ZFAT: variants seen among roughly 807,000 people sequenced by gnomAD.
The protein encoded by ZFAT is zinc finger and AT-hook domain containing.
A neutral mutation model predicts 117.7 loss-of-function variants in ZFAT; 64 were observed. The ratio of observed to expected loss-of-function variants is 0.54; its 90% CI spans 0.44 to 0.67. The LOEUF is 0.67. ZFAT is among the 30% of genes least tolerant of loss of function. The pLI, the probability that ZFAT is intolerant of heterozygous loss-of-function variation, is 0.00. For synonymous variants in ZFAT, 679 were observed against 615.0 expected (o/e 1.10, Z -1.54); for missense variants, 1,433 against 1,584.5 (o/e 0.90, Z 1.62).
At chr8:134,822,848 T>A in the ZFAT span, among the ~76,000 whole-genome samples, 1 of 152,154 alleles carries the variant, frequency 6.6e-6, no homozygotes, top group Non-Finnish European at 1.5e-5. Context: ...AAAGTAAGAT[T>A]AAAAAGCGGC....
intron 3 of ZFAT, among the ~76,000 whole-genome samples, chr8:134,611,385 A>G (rs564838424): frequency 6.6e-6 from 1 of 152,252 alleles, no homozygotes; most frequent in Admixed American, 6.5e-5. Context: ...GGCAGAGCCT[A>G]AGTATAAACC....
chr8:134,804,997 G>T, the ZFAT span: 1 of 509,698 alleles, frequency 2.0e-6, no homozygotes. Flanking sequence ...AATGTTGCCA[G>T]TCATCATCTT....
chr8:134,765,724 C>G, the ZFAT span: 1 of 151,792 alleles, frequency 6.6e-6, no homozygotes, highest in Non-Finnish European at 1.5e-5. Flanking sequence ...AAAAAAAAGT[C>G]TATGGCTGCC....
At chr8:134,786,103 C>A in the ZFAT span, among the ~76,000 whole-genome samples, 1 of 152,290 alleles carries the variant, frequency 6.6e-6, no homozygotes, top group East Asian at 1.9e-4. Context: ...TTGCAGATTG[C>A]TCTTATATCC....
chr8:134,500,933 C>G (rs1020898561), intron 15 of ZFAT, among the ~76,000 whole-genome samples: 4 of 152,178 alleles, frequency 2.6e-5, no homozygotes, highest in African/African-American at 4.8e-5. Flanking sequence ...GAGTTTCATA[C>G]AATTAAAGTT....
the ZFAT span, among the ~76,000 whole-genome samples, chr8:134,734,764 G>T: frequency 6.6e-6 from 1 of 152,250 alleles, no homozygotes; most frequent in Admixed American, 6.5e-5. Context: ...GTGCTCGGGA[G>T]CAGGGAGTGC....
At chr8:134,712,788 G>T in intron 1 of ZFAT, 57 bp downstream of exon 1, 4 of 1,380,062 alleles carry the variant, frequency 2.9e-6, no homozygotes, top group Non-Finnish European at 3.9e-6. Flanking sequence ...GGCTTTCCGC[G>T]CGCCGCGCCG....
At chr8:134,646,226 A>G (rs1830884541) in intron 2 of ZFAT, among the ~76,000 whole-genome samples, 1 of 152,166 alleles carries the variant, frequency 6.6e-6, no homozygotes, top group African/African-American at 2.4e-5. Context: ...AAAGAATGGA[A>G]ATCATTCAAG....
the ZFAT span, among the ~76,000 whole-genome samples, chr8:134,803,489 G>A: frequency 6.6e-6 from 1 of 152,138 alleles, no homozygotes; most frequent in African/African-American, 2.4e-5. Flanking sequence ...AGGGATGCTT[G>A]ATGCATGCTA....
the ZFAT span, among the ~76,000 whole-genome samples, chr8:134,788,981 A>T: frequency 3.9e-5 from 6 of 152,248 alleles, no homozygotes; most frequent in Non-Finnish European, 7.4e-5. Flanking sequence ...TCTTGTAAGC[A>T]ACATGTAGTA....
rs10680896 is a variant in ZFAT at position 134,550,310 on chromosome 8, G to GAAA, written c.2976+15020_2976+15022dup. 1.5e-3 allele frequency among the ~76,000 whole-genome samples: 112 copies of GAAA among 72,374 alleles called. 2 individuals carry two copies. Among genetic ancestry groups the GAAA allele is most frequent in the African/African-American group, 1.9e-3 (37 of 19,796 alleles). 47.5% of individuals were successfully genotyped at this position (72,374 alleles called of 152,430 possible). On this transcript the variant is annotated intron_variant, in intron 11 of 15. Transcript: ENST00000377838. ...ATTCCATCCAGGGTTGGTCACAACG[G>GAAA]AAAAAAAAAAAAAAAAAAAAAACAG...
chr8:134,484,078 C>T (rs1817500146), intron 15 of ZFAT, among the ~76,000 whole-genome samples: 1 of 152,182 alleles, frequency 6.6e-6, no homozygotes, highest in South Asian at 2.1e-4. Context: ...TTAAGAAAAT[C>T]CCAGAAGTTC....
chr8:134,616,026 G>A (rs1247290261), intron 3 of ZFAT, among the ~76,000 whole-genome samples: 1 of 152,322 alleles, frequency 6.6e-6, no homozygotes, highest in South Asian at 2.1e-4. Flanking sequence ...CCCAGTATGT[G>A]GGGGGTGGGA....
At chr8:134,831,604 G>A in the ZFAT span, among the ~76,000 whole-genome samples, 1 of 152,206 alleles carries the variant, frequency 6.6e-6, no homozygotes, top group Non-Finnish European at 1.5e-5. Context: ...CGTCCCGAGG[G>A]CAGAGTTTCT....
chr8:134,738,339 C>A, the ZFAT span, among the ~76,000 whole-genome samples: 231 of 152,270 alleles, frequency 1.5e-3, no homozygotes, highest in Middle Eastern at 6.8e-3. Context: ...GGACTTCTGG[C>A]AAGCCCAAAT....
At chr8:134,590,461 C>A in intron 7 of ZFAT, 106 bp from the exon 8 acceptor site, 1 of 796,116 alleles carries the variant, frequency 1.3e-6, no homozygotes, top group South Asian at 1.6e-5. Context: ...CCACCACTAC[C>A]ACTCACGCTA....
chr8:134,737,377 G>C, the ZFAT span, among the ~76,000 whole-genome samples: 1 of 152,216 alleles, frequency 6.6e-6, no homozygotes, highest in African/African-American at 2.4e-5. Context: ...TGGAGTGAGG[G>C]AATGAAAATA....
intron 1 of ZFAT, among the ~76,000 whole-genome samples, chr8:134,661,292 T>C (rs1461778150): frequency 6.6e-6 from 1 of 152,024 alleles, no homozygotes. Flanking sequence ...CACAGGGACC[T>C]GCGCCCACAG....
At chr8:134,605,913 C>T (rs1827857529) in intron 5 of ZFAT, among the ~76,000 whole-genome samples, 1 of 152,152 alleles carries the variant, frequency 6.6e-6, no homozygotes, top group Non-Finnish European at 1.5e-5. Flanking sequence ...CAGACAAGGA[C>T]CATCAGGCTC....
Sources: allele counts gnomAD v4.1 joint callset (sites outside exome capture counted in the v4.1 genomes callset), GRCh38; gene constraint gnomAD v4.1.1; transcripts MANE v1.5; gene names NCBI Gene and HGNC (gene_info 2026-07-23, HGNC 2026-07-21).